The following MB21D2 variants were observed in gnomAD, a reference collection of about 807,000 sequenced individuals.
The protein encoded by MB21D2 is Mab-21 domain containing 2, also known as nucleotidyltransferase MB21D2.
A neutral mutation model predicts 33.3 loss-of-function variants in MB21D2; 9 were observed. That is an observed-to-expected ratio of 0.27 (90% CI 0.16 to 0.47). The LOEUF (loss-of-function observed/expected upper bound fraction) is 0.47, where lower values mean the gene tolerates loss of function less well. MB21D2 is among the 20% of genes least tolerant of loss of function. The pLI is 0.99. For synonymous variants in MB21D2, 241 were observed against 236.3 expected (o/e 1.02, Z -0.18); for missense variants, 540 against 624.6 (o/e 0.86, Z 1.44).
At chr3:192,871,203 T>C (rs1241780410) in intron 1 of MB21D2, among the ~76,000 whole-genome samples, 1 of 152,144 alleles carries the variant, frequency 6.6e-6, no homozygotes, top group Admixed American at 6.6e-5. Flanking sequence ...ACCCCGCCCT[T>C]GTTGACAATC....
At position 192,798,637 on chromosome 3, in the gene MB21D2, C is replaced by T. The variant is rs777022823; in HGVS notation, c.1225G>A (p.Glu409Lys). 5.0e-6 allele frequency: 8 copies of T among 1,613,808 alleles called. No homozygotes were observed. The Admixed American group carries it at 8.3e-5, about 17-fold the overall frequency. The change falls in exon 2 of 2, where the codon GAG (glutamate) becomes AAG (lysine). Residue 409 changes from glutamate to lysine, a missense_variant. Coordinates refer to ENST00000392452, the MANE Select transcript of MB21D2 (RefSeq NM_178496.4). This position sits in a 1 kb window ranked among gnomAD's most constrained non-coding sequence, Gnocchi z 4.8. ...TGCTCAATGGCGGTGCGCAAGTGCTCTGCCGGGTCTGAGCGCACAGAGGAC... is the reference window on the plus strand; with the variant it reads ...TGCTCAATGGCGGTGCGCAAGTGCTTTGCCGGGTCTGAGCGCACAGAGGAC... Reference protein sequence around the residue: ...KLSSVRSDPAEHLRTAIEHVK... With the variant: ...KLSSVRSDPAKHLRTAIEHVK...
chr3:192,812,483 T>A (rs1417007318), intron 1 of MB21D2, among the ~76,000 whole-genome samples: 3 of 152,216 alleles, frequency 2.0e-5, no homozygotes, highest in Non-Finnish European at 2.9e-5. Flanking sequence ...TGGAGCCTAA[T>A]GACAAAGTTT....
intron 1 of MB21D2, among the ~76,000 whole-genome samples, chr3:192,873,655 G>C (rs1416773500): frequency 6.6e-6 from 1 of 152,150 alleles, no homozygotes; most frequent in South Asian, 2.1e-4. Context: ...CCTCGTCTGG[G>C]AGCTGCACTC....
At chr3:192,876,639 A>G (rs1560247199) in intron 1 of MB21D2, among the ~76,000 whole-genome samples, 1 of 152,118 alleles carries the variant, frequency 6.6e-6, no homozygotes, top group Non-Finnish European at 1.5e-5. Context: ...ATGCTTTATG[A>G]TCTAGCCCCT....
chr3:192,914,541 T>C (rs1454559660), intron 1 of MB21D2, among the ~76,000 whole-genome samples: 4 of 152,226 alleles, frequency 2.6e-5, no homozygotes, highest in Non-Finnish European at 4.4e-5. Context: ...TAATGAACTC[T>C]GGCAATTTCC....
chr3:192,872,587 A>G lies in MB21D2; in HGVS notation c.211+45043T>C, dbSNP rs1713333468. ...CGAGACTCCGTCTCAAAAAAAAAAA[A>G]AAAAGTTGCAAAGCTCTGACTTTAT... On this transcript the variant is annotated intron_variant, in intron 1 of 1. Transcript: ENST00000392452. Among the ~76,000 whole-genome samples, 4 of 152,224 alleles carry G rather than the reference A, an allele frequency of 2.6e-5. No individual in the cohort carries two copies. In the East Asian group the frequency reaches 5.8e-4, roughly 22 times the overall value.
intron 1 of MB21D2, among the ~76,000 whole-genome samples, chr3:192,853,362 G>C (rs945908347): frequency 1.3e-5 from 2 of 152,140 alleles, no homozygotes; most frequent in African/African-American, 4.8e-5. Flanking sequence ...TTCACACTAA[G>C]GTAGCATTTA....
chr3:192,887,642 A>G (rs1420768755), intron 1 of MB21D2, among the ~76,000 whole-genome samples: 2 of 152,124 alleles, frequency 1.3e-5, no homozygotes, highest in African/African-American at 4.8e-5. Context: ...CTCTATTTTT[A>G]TATGTTTGAA....
At chr3:192,834,850 C>T (rs569653427) in intron 1 of MB21D2, among the ~76,000 whole-genome samples, 86 of 137,206 alleles carry the variant, frequency 6.3e-4, no homozygotes, top group Admixed American at 1.5e-3. Context: ...CTTGCTCTGA[C>T]GCAGGCTGGA....
At chr3:192,910,216 A>G (rs1714323998) in intron 1 of MB21D2, among the ~76,000 whole-genome samples, 1 of 151,184 alleles carries the variant, frequency 6.6e-6, no homozygotes, top group African/African-American at 2.4e-5. Flanking sequence ...CTGTAATCCC[A>G]ACACTTTGGG....
chr3:192,833,721 G>A (rs1249481718), intron 1 of MB21D2, among the ~76,000 whole-genome samples: 1 of 152,180 alleles, frequency 6.6e-6, no homozygotes, highest in Non-Finnish European at 1.5e-5. Context: ...TGTCTCAAAA[G>A]GACATGACTA....
intron 1 of MB21D2, among the ~76,000 whole-genome samples, chr3:192,848,653 C>T (rs923067339): frequency 2.6e-5 from 4 of 152,168 alleles, no homozygotes; most frequent in African/African-American, 9.7e-5. Flanking sequence ...TGAAGTAAAC[C>T]AACCCGTCAG....
chr3:192,843,149 G>C (rs1188490055), intron 1 of MB21D2, among the ~76,000 whole-genome samples: 1 of 152,190 alleles, frequency 6.6e-6, no homozygotes, highest in Non-Finnish European at 1.5e-5. Context: ...AAGATTACAT[G>C]AGGGCTAGCA....
rs1456673463 is a variant in MB21D2, at chr3:192,903,049, G to T, written c.211+14581C>A. Among the ~76,000 whole-genome samples, 8 of 152,212 alleles carry T rather than the reference G, an allele frequency of 5.3e-5. No homozygotes were observed. In the East Asian group the frequency reaches 1.5e-3, roughly 29 times the overall value. Reference sequence around the variant, plus strand: ...CCTTGCCTATGAGGCTATTTATTTAGCATCCTTCCTCTAATAGCAATTAAG... The same window carrying T: ...CCTTGCCTATGAGGCTATTTATTTATCATCCTTCCTCTAATAGCAATTAAG... On this transcript the variant is annotated intron_variant, in intron 1 of 1. Transcript: ENST00000392452.
At chr3:192,813,621 TC>T (rs1711839738) in intron 1 of MB21D2, among the ~76,000 whole-genome samples, 1 of 152,154 alleles carries the variant, frequency 6.6e-6, no homozygotes, top group South Asian at 2.1e-4. Context: ...GCTCTAGAAT[TC>T]TCATTGTAGG....
chr3:192,806,206 C>T (rs114258378), intron 1 of MB21D2, among the ~76,000 whole-genome samples: 16 of 152,280 alleles, frequency 1.1e-4, no homozygotes, highest in African/African-American at 2.9e-4. Context: ...TTAGCACTTT[C>T]GACATCTACT....
chr3:192,828,585 C>A (rs1712228620), intron 1 of MB21D2, among the ~76,000 whole-genome samples: 1 of 72,644 alleles, frequency 1.4e-5, no homozygotes, highest in Non-Finnish European at 2.5e-5. Flanking sequence ...TAAAACTCAC[C>A]CCCCCCATAT....
intron 1 of MB21D2, among the ~76,000 whole-genome samples, chr3:192,909,267 AT>A (rs200116772): frequency 0.046 from 6,439 of 140,998 alleles, 319 homozygotes; most frequent in African/African-American, 0.13. Flanking sequence ...AAAAAAAAAA[AT>A]AAAAAATAAA....
At chr3:192,897,344 C>A (rs1249518484) in intron 1 of MB21D2, among the ~76,000 whole-genome samples, 1 of 152,178 alleles carries the variant, frequency 6.6e-6, no homozygotes, top group Non-Finnish European at 1.5e-5. Flanking sequence ...CCCCAGGGCT[C>A]CTGCTCACAA....
Sources: allele counts gnomAD v4.1 joint callset (sites outside exome capture counted in the v4.1 genomes callset), GRCh38; gene constraint gnomAD v4.1.1; non-coding constraint Gnocchi (gnomAD v3.1); transcripts MANE v1.5; gene names NCBI Gene and HGNC (gene_info 2026-07-23, HGNC 2026-07-21).